The following CRYAB variants were observed in gnomAD, a reference collection of about 807,000 sequenced individuals.
CRYAB encodes the protein crystallin alpha B.
A neutral mutation model predicts 12.7 loss-of-function variants in CRYAB; 9 were observed. The ratio of observed to expected loss-of-function variants is 0.71; its 90% CI spans 0.43 to 1.24. The LOEUF (loss-of-function observed/expected upper bound fraction) is 1.24, where lower values mean the gene tolerates loss of function less well. Ranked by LOEUF, CRYAB falls within the 50% of genes most tolerant of loss-of-function variation. The probability of loss-of-function intolerance (pLI) is 0.00; values close to 1 mark genes in which losing one functional copy is unlikely to be tolerated. For synonymous variants in CRYAB, 93 were observed against 86.8 expected (o/e 1.07, Z -0.40); for missense variants, 183 against 226.6 (o/e 0.81, Z 1.24).
At chr11:111,913,624 T>C (rs1555165873), upstream of CRYAB, 1 of 1,614,162 alleles carries the variant, frequency 6.2e-7, no homozygotes, top group Non-Finnish European at 8.5e-7. Flanking sequence ...GTGAGGACTG[T>C]GGATAACCTG....
intron 1 of CRYAB, 24 bp downstream of exon 1, chr11:111,911,500 C>G (rs782447525): frequency 1.3e-6 from 2 of 1,594,062 alleles, no homozygotes; most frequent in Admixed American, 3.5e-5. Flanking sequence ...AGGACTCTCC[C>G]GTCCTAGCTG....
chr11:111,909,714 A>G (rs1965392318), intron 2 of CRYAB: 1 of 203,740 alleles, frequency 4.9e-6, no homozygotes, highest in African/African-American at 2.4e-5. Context: ...AAATTTAGAC[A>G]AACCAAGTAG....
At chr11:111,910,661 C>T in intron 1 of CRYAB, 1 of 636,558 alleles carries the variant, frequency 1.6e-6, no homozygotes, top group Non-Finnish European at 2.7e-6. Flanking sequence ...CAGACCCAAA[C>T]TTTATTTACA....
intron 1 of CRYAB, chr11:111,910,750 C>T (rs1965427019): frequency 2.2e-6 from 1 of 458,732 alleles, no homozygotes; most frequent in African/African-American, 2.0e-5. Flanking sequence ...GCCTCTCTGA[C>T]TCCAATGCCT....
chr11:111,914,136 T>G, upstream of CRYAB: 2 of 469,576 alleles, frequency 4.3e-6, no homozygotes, highest in Non-Finnish European at 3.8e-6. Context: ...GAAGCTGGGA[T>G]GGGGAGGGAG....
upstream of CRYAB, chr11:111,917,980 C>G (rs1325851487): frequency 6.6e-6 from 1 of 152,136 alleles, no homozygotes; most frequent in Non-Finnish European, 1.5e-5. Flanking sequence ...TCACTCTTAC[C>G]CATGTTTCAT....
At chr11:111,917,881 TAAC>T (rs1965622146), upstream of CRYAB, among the ~76,000 whole-genome samples, 1 of 152,020 alleles carries the variant, frequency 6.6e-6, no homozygotes, top group Non-Finnish European at 1.5e-5. Context: ...TTTGTAATAA[TAAC>T]AACAATGCCT....
chr11:111,911,611 G>A lies in CRYAB; in HGVS notation c.114C>T (p.Phe38=). 6.2e-7 allele frequency: 1 copy of A among 1,612,966 alleles called. No homozygotes were observed. The highest frequency in any genetic ancestry group is 8.5e-7 in the Non-Finnish European group (1 of 1,179,646). ...AGGGACTCAGGGAAGTAGACGTCGGGAAAAGATCAGACTCCAACAGGTGCT... is the reference window on the plus strand; with the variant it reads ...AGGGACTCAGGGAAGTAGACGTCGGAAAAAGATCAGACTCCAACAGGTGCT... ...FGEHLLESDL[F]PTSTSLSPFY... Residue 38 remains phenylalanine (F), a synonymous_variant, in exon 1 of 3, where the codon TTC becomes TTT. Coordinates refer to ENST00000650687, the MANE Select transcript of CRYAB (RefSeq NM_001289808.2).
upstream of CRYAB, among the ~76,000 whole-genome samples, chr11:111,917,632 C>T (rs1965617194): frequency 6.7e-6 from 1 of 149,946 alleles, no homozygotes; most frequent in Admixed American, 6.6e-5. Flanking sequence ...ACAAGACCCC[C>T]ATCTCACATT....
chr11:111,914,067 G>T (rs949222356), upstream of CRYAB: 1 of 657,562 alleles, frequency 1.5e-6, no homozygotes, highest in Non-Finnish European at 2.5e-6. Flanking sequence ...GTTTTGGGTG[G>T]AGCTGAATAA....
At chr11:111,912,731 C>G, upstream of CRYAB, 1 of 888,814 alleles carries the variant, frequency 1.1e-6, no homozygotes. Flanking sequence ...ACCCCGCCCC[C>G]ACCTCCTATC....
upstream of CRYAB, among the ~76,000 whole-genome samples, chr11:111,914,966 T>G (rs1300693790): frequency 6.6e-6 from 1 of 152,062 alleles, no homozygotes; most frequent in Non-Finnish European, 1.5e-5. Flanking sequence ...TCCCAGCTAC[T>G]TGGGAGGCTG....
At chr11:111,910,244 G>A in intron 2 of CRYAB, 83 bp downstream of exon 2, 2 of 1,554,404 alleles carry the variant, frequency 1.3e-6, no homozygotes, top group Non-Finnish European at 1.8e-6. Context: ...AATGTAGCCA[G>A]CCTCCAAAGC....
chr11:111,909,974 G>C (rs1362568741), intron 2 of CRYAB: 1 of 595,178 alleles, frequency 1.7e-6, no homozygotes, highest in African/African-American at 1.9e-5. Flanking sequence ...TGCTCGCTTC[G>C]GCAGCACATA....
upstream of CRYAB, chr11:111,913,963 A>C: frequency 7.6e-7 from 1 of 1,322,684 alleles, no homozygotes. Flanking sequence ...GCTGCCCACC[A>C]CTCCAGAGGT....
At chr11:111,911,500 C>A (rs782447525) in intron 1 of CRYAB, 24 bp downstream of exon 1, 3 of 1,593,938 alleles carry the variant, frequency 1.9e-6, no homozygotes. Flanking sequence ...AGGACTCTCC[C>A]GTCCTAGCTG....
upstream of CRYAB, among the ~76,000 whole-genome samples, chr11:111,916,427 T>C (rs1965598935): frequency 6.6e-6 from 1 of 152,118 alleles, no homozygotes; most frequent in Non-Finnish European, 1.5e-5. Flanking sequence ...TTCGCCATGT[T>C]GTCCAGGCTA....
rs1965454605 is a variant in CRYAB, at chr11:111,911,552, G to T, written c.173C>A (p.Pro58His). Residue 58 changes from proline to histidine, a missense_variant, in exon 1 of 3, where the codon CCC (proline) becomes CAC (histidine). Pro to His is a moderately conservative substitution (Grantham distance 77). Transcript: ENST00000650687. ...YLRPPSFLRA[P>H]SWFDTGLSEM... The stretch of plus-strand genomic sequence containing the variant: ...TGAGAGTCCAGTGTCAAACCAGCTG[G>T]GTGCCCGCAGGAAGGAGGGTGGCCG... 6.2e-7 allele frequency: 1 copy of T among 1,612,446 alleles called. No homozygotes were observed. The highest frequency in any genetic ancestry group is 1.3e-5 in the African/African-American group (1 of 74,896).
rs1416959077 is a variant in CRYAB at position 111,910,463 on chromosome 11, G to C, written c.202-14C>G. 6.2e-7 allele frequency: 1 copy of C among 1,614,022 alleles called. No homozygotes were observed. The highest frequency in any genetic ancestry group is 1.3e-5 in the African/African-American group (1 of 74,912). On this transcript the variant is annotated splice_polypyrimidine_tract_variant and intron_variant, in intron 1 of 2. Coordinates refer to ENST00000650687, the MANE Select transcript of CRYAB (RefSeq NM_001289808.2). ...CTCCAGGCGCATCTAGAAATAGCAA[G>C]GTAAGGGAATGGGATGGGAGAAAGA...
Sources: gnomAD v4.1 joint callset for allele counts (sites outside exome capture counted in the v4.1 genomes callset) on GRCh38, gnomAD v4.1.1 for gene constraint, MANE v1.5 for transcripts, NCBI Gene and HGNC (gene_info 2026-07-23, HGNC 2026-07-21) for gene names.